SOD2: variants seen among roughly 807,000 people sequenced by gnomAD.
SOD2 encodes the protein superoxide dismutase [Mn], mitochondrial.
Under a neutral mutation model 27.0 loss-of-function variants are expected in SOD2, and 11 were observed. The ratio of observed to expected loss-of-function variants is 0.41; its 90% CI spans 0.26 to 0.67. The LOEUF (loss-of-function observed/expected upper bound fraction) is 0.67, where lower values mean the gene tolerates loss of function less well. SOD2 is among the 30% of genes least tolerant of loss of function. The pLI is 0.34. For missense variants in SOD2, 250 were observed against 274.5 expected, an observed-to-expected ratio of 0.91 and a Z score of 0.63; for synonymous variants, 105 against 103.0, an observed-to-expected ratio of 1.02 and a Z score of -0.12.
intron 3 of SOD2, 51 bp from the exon 4 acceptor site, chr6:159,685,084 T>G (rs1780121246): frequency 1.4e-6 from 2 of 1,406,244 alleles, no homozygotes; most frequent in Non-Finnish European, 1.9e-6. Flanking sequence ...ATTTCAATAA[T>G]TACAGTAAAA....
chr6:159,755,836 TTGAA>T (rs1779995362), intron 1 of SOD2: 2 of 718,186 alleles, frequency 2.8e-6, no homozygotes, highest in East Asian at 7.5e-5. Context: ...GTTAATTACT[TTGAA>T]TGTTGCTAAA....
intron 1 of SOD2, chr6:159,713,333 A>G (rs887011176): frequency 1.7e-5 from 11 of 655,716 alleles, no homozygotes; most frequent in Non-Finnish European, 3.0e-5. Context: ...TCCTCTGCCA[A>G]TGCTATTACA....
chr6:159,678,738 G>T lies in SOD2; in HGVS notation c.*3755C>A, dbSNP rs920083426. On this transcript the variant is annotated 3_prime_UTR_variant, in exon 5 of 5. Transcript: ENST00000538183. ...GCCAGTCAGAAGTATAGGGACTTGC[G>T]ATTGGTATCTGGAGTGGGGGCAGTC... is the stretch of plus-strand genomic sequence containing the variant. The T allele has an allele frequency of 1.3e-5, 2 of 152,176 alleles. No homozygotes were observed. The highest frequency in any genetic ancestry group is 4.8e-5 in the African/African-American group (2 of 41,446). The allele number at this position is 152,176 out of a possible 1,614,324, so 9.4% of individuals were successfully genotyped here.
At chr6:159,746,841 A>G (rs1452571770), upstream of SOD2, among the ~76,000 whole-genome samples, 1 of 152,124 alleles carries the variant, frequency 6.6e-6, no homozygotes, top group African/African-American at 2.4e-5. Context: ...TTCTAGTCTG[A>G]TTCACCTCTC....
At chr6:159,746,683 G>T (rs187798545), upstream of SOD2, among the ~76,000 whole-genome samples, 2 of 152,102 alleles carry the variant, frequency 1.3e-5, no homozygotes, top group African/African-American at 4.8e-5. Context: ...TATTTTGTTG[G>T]TAAGTAAAAT....
chr6:159,737,356 A>T (rs562887606), intron 1 of SOD2, among the ~76,000 whole-genome samples: 1 of 152,150 alleles, frequency 6.6e-6, no homozygotes, highest in Non-Finnish European at 1.5e-5. Flanking sequence ...CAGCCTTTCA[A>T]TATGTTACAT....
upstream of SOD2, chr6:159,727,572 A>T: frequency 3.0e-6 from 3 of 986,390 alleles, no homozygotes; most frequent in Non-Finnish European, 3.6e-6. Flanking sequence ...TTGCGGCGGG[A>T]CTAGGAGCGC....
chr6:159,722,153 G>A (rs1778055014), intron 1 of SOD2, among the ~76,000 whole-genome samples: 1 of 152,014 alleles, frequency 6.6e-6, no homozygotes, highest in Non-Finnish European at 1.5e-5. Flanking sequence ...TGAGGTGGGA[G>A]CATCACTTGA....
At chr6:159,761,963 CGG>C (rs1780143226) in exon 1 of SOD2, 1 of 1,118,302 alleles carries the variant, frequency 8.9e-7, no homozygotes, top group Admixed American at 2.0e-5. Context: ...AGGTGGTGCG[CGG>C]GGAGGTGGAG....
In SOD2 at chr6:159,678,709, T is replaced by A. The variant is rs1238208030; in HGVS notation, c.*3784A>T. 1 of 152,192 alleles carries A rather than the reference T, an allele frequency of 6.6e-6. No homozygotes were observed. The highest frequency in any genetic ancestry group is 2.1e-4 in the South Asian group (1 of 4,820). The allele number at this position is 152,192 out of a possible 1,614,324, so 9.4% of individuals were successfully genotyped here. A position where few individuals can be genotyped will look rare whatever the true frequency, so the allele number is the denominator to read the frequency against. On this transcript the variant is annotated 3_prime_UTR_variant, in exon 5 of 5. Coordinates refer to ENST00000538183, the MANE Select transcript of SOD2 (RefSeq NM_000636.4). ...GGAAAGGGTCACGGGAACCCCACTT[T>A]ATAGCCAGTCAGAAGTATAGGGACT...
intron 1 of SOD2, among the ~76,000 whole-genome samples, chr6:159,719,308 A>G (rs1306501990): frequency 1.5e-4 from 23 of 152,194 alleles, no homozygotes; most frequent in Non-Finnish European, 3.2e-4. Context: ...GTGGATCACG[A>G]GGTCAGGAGT....
chr6:159,735,623 C>T (rs1038913716), intron 1 of SOD2, among the ~76,000 whole-genome samples: 2 of 152,080 alleles, frequency 1.3e-5, no homozygotes, highest in Admixed American at 6.5e-5. Context: ...GTGGCACGCA[C>T]CTGTAGTCCC....
chr6:159,755,790 T>TG (rs5881337), intron 1 of SOD2: 589 of 848,582 alleles, frequency 6.9e-4, no homozygotes, highest in Non-Finnish European at 8.7e-4. Context: ...TTTTTTTTTT[T>TG]GCTTCAATAC....
chr6:159,748,614 C>T (rs2114947074), upstream of SOD2: 6 of 1,298,450 alleles, frequency 4.6e-6, no homozygotes, highest in East Asian at 2.8e-5. This position sits in a 1 kb window ranked among gnomAD's most constrained non-coding sequence, Gnocchi z 5.6. Context: ...CGGACTATTC[C>T]GAAGAAGTGG....
chr6:159,724,877 C>A (rs1480004585), intron 1 of SOD2, among the ~76,000 whole-genome samples: 27 of 81,572 alleles, frequency 3.3e-4, no homozygotes, highest in South Asian at 7.7e-4. Flanking sequence ...AAAAGAAAAG[C>A]AAGAGAAGGG....
Position 159,684,665 on chromosome 6 carries a change from C to T in SOD2, c.523+189G>A, listed in dbSNP as rs542750269. 8.5e-5 allele frequency among the ~76,000 whole-genome samples: 13 copies of T among 152,172 alleles called. No individual in the cohort carries two copies. In the South Asian group the frequency reaches 2.5e-3, roughly 29 times the overall value. On this transcript the variant is annotated intron_variant, in intron 4 of 4. Transcript: ENST00000538183. ...GTTTGTTAATGTACCTATAAAATTA[C>T]GTGTACTTAATTTTATGAAATATCA...
At chr6:159,758,315 A>G (rs1780057031) in intron 1 of SOD2, among the ~76,000 whole-genome samples, 1 of 150,260 alleles carries the variant, frequency 6.7e-6, no homozygotes, top group Admixed American at 6.6e-5. Context: ...CTGTTTTTGG[A>G]GGCTGGGAAG....
At chr6:159,755,395 T>C in intron 1 of SOD2, 1 of 1,613,988 alleles carries the variant, frequency 6.2e-7, no homozygotes, top group Non-Finnish European at 8.5e-7. Context: ...GCAGAGGAGG[T>C]AGTGGTTACG....
chr6:159,707,250 G>T (rs139770216), intron 1 of SOD2, among the ~76,000 whole-genome samples: 1 of 151,936 alleles, frequency 6.6e-6, no homozygotes, highest in African/African-American at 2.4e-5. Flanking sequence ...CTAGCAGAAG[G>T]CAAGAAATAA....
Sources: gnomAD v4.1 joint callset for allele counts (sites outside exome capture counted in the v4.1 genomes callset) on GRCh38, gnomAD v4.1.1 for gene constraint, Gnocchi (gnomAD v3.1) non-coding constraint, MANE v1.5 for transcripts, NCBI Gene and HGNC (gene_info 2026-07-23, HGNC 2026-07-21) for gene names.